Variants in MAP3K5 observed in about 807,000 individuals in gnomAD.
MAP3K5 encodes the protein ASK-1.
Under a neutral mutation model 158.7 loss-of-function variants are expected in MAP3K5, and 56 were observed. That is an observed-to-expected ratio of 0.35 (90% confidence interval 0.28 to 0.44). MAP3K5 has a LOEUF of 0.44. Among genes scored for constraint, MAP3K5 ranks in the 20% least tolerant of loss-of-function variants. The pLI is 1.00. For synonymous variants in MAP3K5, 579 were observed against 601.7 expected (o/e 0.96, Z 0.55); for missense variants, 1,294 against 1,674.8 (o/e 0.77, Z 3.97).
intron 25 of MAP3K5, among the ~76,000 whole-genome samples, chr6:136,573,934 CTTT>C (rs10601118): frequency 1.5e-4 from 21 of 144,482 alleles, no homozygotes; most frequent in African/African-American, 3.0e-4. Flanking sequence ...TCTTTTCTTT[CTTT>C]TTTTTTTTTT....
At chr6:136,680,751 C>T (rs1339972887) in intron 7 of MAP3K5, among the ~76,000 whole-genome samples, 1 of 152,180 alleles carries the variant, frequency 6.6e-6, no homozygotes, top group African/African-American at 2.4e-5. Flanking sequence ...TTTGATTACT[C>T]TTAAGGGTGA....
At position 136,583,734 on chromosome 6, in the gene MAP3K5, C is replaced by T; in HGVS notation, c.3232G>A (p.Glu1078Lys). The T allele has an allele frequency of 6.2e-7, 1 of 1,613,794 alleles. No individual in the cohort carries two copies. The highest frequency in any genetic ancestry group is 8.5e-7 in the Non-Finnish European group (1 of 1,179,802). Residue 1078 changes from glutamate to lysine, a missense_variant, in exon 24 of 30, where the codon GAA becomes AAA. Coordinates refer to ENST00000359015, the MANE Select transcript of MAP3K5 (RefSeq NM_005923.4). ...NLMESLAQGA[E>K]EPKLKWEHIT... The stretch of plus-strand genomic sequence containing the variant: ...TGTTCCCATTTTAGTTTCGGTTCTT[C>T]AGCCCCCTGTGAATAAAAATCAACA...
At chr6:136,626,289 G>T (rs1562558023) in intron 14 of MAP3K5, among the ~76,000 whole-genome samples, 1 of 152,180 alleles carries the variant, frequency 6.6e-6, no homozygotes, top group Admixed American at 6.5e-5. Flanking sequence ...TCCTTAGCAT[G>T]AATTCTTCTC....
At chr6:136,739,632 G>C (rs1469967121) in intron 1 of MAP3K5, among the ~76,000 whole-genome samples, 1 of 152,188 alleles carries the variant, frequency 6.6e-6, no homozygotes, top group Non-Finnish European at 1.5e-5. Context: ...TAGTTAAAGA[G>C]CATCTTCAAG....
intron 1 of MAP3K5, among the ~76,000 whole-genome samples, chr6:136,747,904 C>A (rs567249596): frequency 1.3e-5 from 2 of 152,082 alleles, no homozygotes; most frequent in Non-Finnish European, 2.9e-5. Context: ...TTTCAGCATA[C>A]AATGAAGCCA....
rs60412404 is a variant in MAP3K5, at chr6:136,746,694, T to C, written c.449-26105A>G. 3.4e-3 allele frequency among the ~76,000 whole-genome samples: 521 copies of C among 152,306 alleles called. 12 individuals are homozygous for C. The highest frequency in any genetic ancestry group is 0.012 in the African/African-American group (491 of 41,550). On this transcript the variant is annotated intron_variant, in intron 1 of 29. Coordinates refer to ENST00000359015, the MANE Select transcript of MAP3K5 (RefSeq NM_005923.4). ...AGTATGCATAACAATATTCTTTCCTTTTTGCAATAAAAAAGCAATAAGGAT... is the reference window on the plus strand; with the variant it reads ...AGTATGCATAACAATATTCTTTCCTCTTTGCAATAAAAAAGCAATAAGGAT...
At chr6:136,600,446 G>A (rs1314236282) in intron 21 of MAP3K5, among the ~76,000 whole-genome samples, 8 of 151,798 alleles carry the variant, frequency 5.3e-5, no homozygotes, top group African/African-American at 1.5e-4. Flanking sequence ...TGACCATCTC[G>A]GCCTCCCAAA....
At chr6:136,771,677 C>T (rs1784204890) in intron 1 of MAP3K5, among the ~76,000 whole-genome samples, 1 of 152,182 alleles carries the variant, frequency 6.6e-6, no homozygotes, top group African/African-American at 2.4e-5. Context: ...AGCTGTAACA[C>T]TGCCTCTTCA....
At chr6:136,580,154 T>C in intron 25 of MAP3K5, 147 bp downstream of exon 25, 2 of 593,762 alleles carry the variant, frequency 3.4e-6, no homozygotes, top group Admixed American at 5.5e-5. Flanking sequence ...CCAGACTATA[T>C]GTACTATTTG....
chr6:136,636,989 T>G (rs1195080153), intron 14 of MAP3K5: 1 of 1,054,482 alleles, frequency 9.5e-7, no homozygotes, highest in Admixed American at 5.2e-5. Context: ...GAATCTTCAG[T>G]GAATCTTCTT....
intron 9 of MAP3K5, among the ~76,000 whole-genome samples, chr6:136,657,152 T>G (rs1463155145): frequency 6.6e-6 from 1 of 152,220 alleles, no homozygotes; most frequent in Non-Finnish European, 1.5e-5. Flanking sequence ...AATAGACACT[T>G]CATAAGAGAT....
At chr6:136,736,985 T>C (rs1478989585) in intron 1 of MAP3K5, among the ~76,000 whole-genome samples, 1 of 148,218 alleles carries the variant, frequency 6.7e-6, no homozygotes, top group African/African-American at 2.6e-5. Flanking sequence ...TGTACAGCCA[T>C]GTTGTTATTT....
At chr6:136,746,440 C>G (rs537399655) in intron 1 of MAP3K5, among the ~76,000 whole-genome samples, 1 of 152,196 alleles carries the variant, frequency 6.6e-6, no homozygotes, top group East Asian at 1.9e-4. Flanking sequence ...ATGTACTGTT[C>G]TATGGAAGTA....
intron 11 of MAP3K5, among the ~76,000 whole-genome samples, chr6:136,646,901 A>G (rs1421376269): frequency 6.6e-6 from 1 of 152,212 alleles, no homozygotes; most frequent in Admixed American, 6.5e-5. Flanking sequence ...ATTAGTTTCA[A>G]CTAAACACGT....
intron 1 of MAP3K5, among the ~76,000 whole-genome samples, chr6:136,782,766 TC>T (rs1784671550): frequency 6.6e-6 from 1 of 152,200 alleles, no homozygotes; most frequent in Admixed American, 6.5e-5. Flanking sequence ...CTCTCCTGTC[TC>T]CCCTAAGAAA....
intron 7 of MAP3K5, among the ~76,000 whole-genome samples, chr6:136,674,591 T>A (rs1375159579): frequency 6.6e-6 from 1 of 152,036 alleles, no homozygotes; most frequent in East Asian, 1.9e-4. Context: ...GTCAATATTA[T>A]TGATATAGCC....
At chr6:136,621,759 C>T (rs1583286985) in intron 15 of MAP3K5, among the ~76,000 whole-genome samples, 1 of 152,144 alleles carries the variant, frequency 6.6e-6, no homozygotes, top group East Asian at 1.9e-4. Flanking sequence ...TGTGGACAGA[C>T]CTTGTTAAGA....
chr6:136,641,357 T>C (rs1777922979), intron 12 of MAP3K5, among the ~76,000 whole-genome samples: 1 of 152,198 alleles, frequency 6.6e-6, no homozygotes, highest in African/African-American at 2.4e-5. Context: ...ATAACCAGGC[T>C]GCAAAAATCT....
rs180731616 is a variant in MAP3K5 at position 136,787,853 on chromosome 6, G to C, written c.448+3857C>G. On this transcript the variant is annotated intron_variant, in intron 1 of 29. Transcript: ENST00000359015. Reference sequence around the variant, plus strand: ...CATAAAAATTCAACTTTCAAGTACAGGTCATGGGTGTAGAGCAAAGGTCAG... The same window carrying C: ...CATAAAAATTCAACTTTCAAGTACACGTCATGGGTGTAGAGCAAAGGTCAG... Among the ~76,000 whole-genome samples the C allele has an allele frequency of 2.0e-5, 3 of 152,344 alleles. No individual in the cohort carries two copies. In the East Asian group the frequency reaches 5.8e-4, roughly 29 times the overall value.
Sources: gnomAD v4.1 joint callset for allele counts (sites outside exome capture counted in the v4.1 genomes callset) on GRCh38, gnomAD v4.1.1 for gene constraint, MANE v1.5 for transcripts, NCBI Gene and HGNC (gene_info 2026-07-23, HGNC 2026-07-21) for gene names.